The following LARS2 variants were observed in gnomAD, a reference collection of about 807,000 sequenced individuals.
The protein encoded by LARS2 is leucine--tRNA ligase, mitochondrial.
A neutral mutation model predicts 116.6 loss-of-function variants in LARS2; 81 were observed. That is an observed-to-expected ratio of 0.69 (90% CI 0.58 to 0.84). LARS2 has a LOEUF of 0.84. Among genes scored for constraint, LARS2 ranks in the 40% least tolerant of loss-of-function variants. The probability of loss-of-function intolerance (pLI) is 0.00; values close to 1 mark genes in which losing one functional copy is unlikely to be tolerated. For synonymous variants in LARS2, 396 were observed against 407.2 expected (o/e 0.97, Z 0.33); for missense variants, 968 against 1,114.5 (o/e 0.87, Z 1.87).
chr3:45,453,315 G>A (rs1169097734), intron 7 of LARS2, among the ~76,000 whole-genome samples: 3 of 152,052 alleles, frequency 2.0e-5, no homozygotes, highest in Admixed American at 6.6e-5. Context: ...TTCCTGTATG[G>A]TACTTGTTGA....
At chr3:45,516,302 T>A (rs200696028) in intron 17 of LARS2, 26 bp downstream of exon 17, 138 of 1,603,076 alleles carry the variant, frequency 8.6e-5, no homozygotes, top group Non-Finnish European at 1.1e-4. Context: ...CTTCCTGACT[T>A]GCTTCCTTTG....
chr3:45,527,169 G>A (rs188903584), intron 20 of LARS2, among the ~76,000 whole-genome samples: 21 of 152,222 alleles, frequency 1.4e-4, no homozygotes, highest in Middle Eastern at 3.4e-3. Flanking sequence ...GTTTATTACC[G>A]GGGGAAACAC....
intron 20 of LARS2, among the ~76,000 whole-genome samples, chr3:45,540,752 CTATCTA>C (rs1362442974): frequency 8.6e-6 from 1 of 116,764 alleles, no homozygotes; most frequent in Non-Finnish European, 2.0e-5. Flanking sequence ...ATCTGTCTAT[CTATCTA>C]TCTATCTATC....
intron 7 of LARS2, 48 bp downstream of exon 7, chr3:45,447,028 G>T: frequency 8.8e-7 from 1 of 1,132,592 alleles, no homozygotes; most frequent in South Asian, 1.3e-5. Flanking sequence ...ATCTCTTTAG[G>T]ATACATCATT....
chr3:45,469,911 A>T (rs897765889), intron 8 of LARS2, among the ~76,000 whole-genome samples: 6 of 152,226 alleles, frequency 3.9e-5, no homozygotes, highest in African/African-American at 1.4e-4. Context: ...AAATCAAATC[A>T]TACCAATTTA....
Position 45,516,274 on chromosome 3 carries a change from A to G in LARS2, c.2042A>G (p.Lys681Arg). The G allele has an allele frequency of 1.2e-6, 2 of 1,612,380 alleles. No homozygotes were observed. Among genetic ancestry groups the G allele is most frequent in the Admixed American group, 1.7e-5 (1 of 59,840 alleles). ...GAGAAGGATATCTTGTGGGATGTGAAAAGTAAGTCACCTTCCTCTTCCTGA... is the reference window on the plus strand; with the variant it reads ...GAGAAGGATATCTTGTGGGATGTGAGAAGTAAGTCACCTTCCTCTTCCTGA... ...PPEKDILWDV[K>R]TDALPGVLRW... is the part of the protein sequence containing the mutation. Residue 681 changes from lysine to arginine, a missense_variant and splice_region_variant, in exon 17 of 22, where the codon AAA becomes AGA. Coordinates refer to ENST00000645846, the MANE Select transcript of LARS2 (RefSeq NM_015340.4).
intron 7 of LARS2, among the ~76,000 whole-genome samples, chr3:45,448,047 A>C (rs193240097): frequency 4.1e-4 from 62 of 152,316 alleles, no homozygotes; most frequent in African/African-American, 1.1e-3. Context: ...CAGGAGTTCA[A>C]GACTAGCCTG....
rs558011919 is a variant in LARS2, at chr3:45,516,182, A to G, written c.1950A>G (p.Pro650=). Residue 650 remains proline (P), a synonymous_variant, in exon 17 of 22, where the codon CCA becomes CCG. Coordinates refer to ENST00000645846, the MANE Select transcript of LARS2 (RefSeq NM_015340.4). ...AGTCCAAACACAACGGGGTGGACCC[A>G]GAGGAAGTTGTGGAGCAGTATGGGA... ...MSKSKHNGVD[P]EEVVEQYGID... is the part of the protein sequence containing the mutation. 1 of 1,614,242 alleles carries G rather than the reference A, an allele frequency of 6.2e-7. No homozygotes were observed. The highest frequency in any genetic ancestry group is 1.7e-5 in the Admixed American group (1 of 60,024).
At chr3:45,461,188 C>T (rs1330094264) in intron 8 of LARS2, among the ~76,000 whole-genome samples, 3 of 151,388 alleles carry the variant, frequency 2.0e-5, no homozygotes, top group African/African-American at 7.3e-5. Context: ...TGAGGAATCT[C>T]AGGAGAGAGT....
At chr3:45,480,722 G>A (rs900473337) in intron 10 of LARS2, among the ~76,000 whole-genome samples, 1 of 152,188 alleles carries the variant, frequency 6.6e-6, no homozygotes, top group South Asian at 2.1e-4. Context: ...ACCAGGTATA[G>A]CATGCGAGCT....
intron 6 of LARS2, among the ~76,000 whole-genome samples, chr3:45,426,992 A>G (rs1210900836): frequency 1.3e-5 from 2 of 152,252 alleles, no homozygotes; most frequent in South Asian, 4.2e-4. Flanking sequence ...GGATCTGGCT[A>G]TTAACACTTG....
At chr3:45,529,158 C>T (rs546073907) in intron 20 of LARS2, among the ~76,000 whole-genome samples, 56 of 152,258 alleles carry the variant, frequency 3.7e-4, no homozygotes, top group African/African-American at 1.3e-3. Context: ...TGTGAGTCAC[C>T]GCGCCCGGCC....
intron 16 of LARS2, 67 bp from the exon 17 acceptor site, chr3:45,516,027 G>T: frequency 7.8e-7 from 1 of 1,289,508 alleles, no homozygotes; most frequent in East Asian, 2.4e-5. Flanking sequence ...TTTACTTATT[G>T]ATGCTATTTC....
chr3:45,449,003 G>T (rs1367351439), intron 7 of LARS2, among the ~76,000 whole-genome samples: 1 of 152,190 alleles, frequency 6.6e-6, no homozygotes, highest in East Asian at 1.9e-4. Flanking sequence ...CAGCAGAAAT[G>T]TATTTCCTCA....
chr3:45,522,879 C>T (rs902316470), intron 19 of LARS2, among the ~76,000 whole-genome samples: 5 of 145,346 alleles, frequency 3.4e-5, no homozygotes, highest in African/African-American at 1.0e-4. Flanking sequence ...TAGTGAGATA[C>T]CCCATCTCTA....
chr3:45,454,128 A>C (rs1027070518), intron 7 of LARS2, among the ~76,000 whole-genome samples: 7 of 152,188 alleles, frequency 4.6e-5, no homozygotes, highest in Admixed American at 4.6e-4. Context: ...GGCAGCAAGC[A>C]CCACAGCTGC....
intron 4 of LARS2, among the ~76,000 whole-genome samples, chr3:45,412,702 C>T (rs1015859319): frequency 2.0e-5 from 3 of 152,206 alleles, no homozygotes; most frequent in Admixed American, 2.0e-4. Flanking sequence ...ATTCCCAAAA[C>T]TGGGAAATGC....
intron 20 of LARS2, among the ~76,000 whole-genome samples, chr3:45,524,708 A>T (rs1428382354): frequency 6.6e-6 from 1 of 152,206 alleles, no homozygotes; most frequent in African/African-American, 2.4e-5. Context: ...CATGCATGGG[A>T]AAGTCTTCAG....
chr3:45,454,184 C>CT (rs1399463064), intron 7 of LARS2, among the ~76,000 whole-genome samples: 10 of 152,280 alleles, frequency 6.6e-5, no homozygotes, highest in African/African-American at 2.4e-4. Context: ...TAGGAGAATA[C>CT]TGCCCACATG....
Sources: allele counts gnomAD v4.1 joint callset (sites outside exome capture counted in the v4.1 genomes callset), GRCh38; gene constraint gnomAD v4.1.1; transcripts MANE v1.5; gene names NCBI Gene and HGNC (gene_info 2026-07-23, HGNC 2026-07-21).